SLIT3: variants seen among roughly 807,000 people sequenced by gnomAD.
SLIT3 encodes slit guidance ligand 3.
A neutral mutation model predicts 184.0 loss-of-function variants in SLIT3; 68 were observed. The observed-to-expected ratio is 0.37, with a 90% CI of 0.30 to 0.45. The LOEUF is 0.45. SLIT3 is among the 20% of genes least tolerant of loss of function. The pLI is 1.00. For missense variants in SLIT3, 1,707 were observed against 2,026.0 expected, an observed-to-expected ratio of 0.84 and a Z score of 3.02; for synonymous variants, 831 against 828.6, an observed-to-expected ratio of 1.00 and a Z score of -0.05.
intron 10 of SLIT3, chr5:168,791,083 C>T (rs1756347465): frequency 1.3e-5 from 2 of 152,244 alleles, no homozygotes; most frequent in Non-Finnish European, 2.9e-5. Flanking sequence ...GTTTAAGGGT[C>T]TTAACAAGCA....
intron 3 of SLIT3, among the ~76,000 whole-genome samples, chr5:169,223,749 T>C (rs886827237): frequency 3.9e-5 from 6 of 152,300 alleles, no homozygotes; most frequent in African/African-American, 1.4e-4. Context: ...CCTTGTCAAA[T>C]AAATCAACCA....
intron 1 of SLIT3, among the ~76,000 whole-genome samples, chr5:169,290,659 CACTAGGGCATACGCTAGGGCACAT>C (rs1307662051): frequency 6.9e-6 from 1 of 145,018 alleles, no homozygotes; most frequent in Non-Finnish European, 1.5e-5. Flanking sequence ...CTAGGGCACG[CACTAGGGCATACGCTAGGGCACAT>C]GCTGGGGCAC....
At chr5:169,146,835 T>C (rs937799848) in intron 4 of SLIT3, among the ~76,000 whole-genome samples, 7 of 152,262 alleles carry the variant, frequency 4.6e-5, no homozygotes, top group African/African-American at 1.4e-4. Flanking sequence ...CAACCCATTA[T>C]CTTTTTATGC....
chr5:169,090,022 G>A (rs1561658078), intron 4 of SLIT3, among the ~76,000 whole-genome samples: 1 of 152,188 alleles, frequency 6.6e-6, no homozygotes, highest in Admixed American at 6.5e-5. Flanking sequence ...GGTGAATTGT[G>A]TATGCAGGTG....
intron 27 of SLIT3, among the ~76,000 whole-genome samples, chr5:168,699,450 C>T (rs545723450): frequency 6.6e-5 from 10 of 152,300 alleles, no homozygotes; most frequent in Middle Eastern, 3.4e-3. Context: ...CAAAGGAGCC[C>T]GTTCCCAACA....
At chr5:169,036,253 TC>T (rs1757243146) in intron 4 of SLIT3, 1 of 152,182 alleles carries the variant, frequency 6.6e-6, no homozygotes, top group Admixed American at 6.5e-5. Context: ...CTTTCCTCCT[TC>T]GTGGGATCCA....
chr5:168,748,224 G>C (rs1754559683), intron 20 of SLIT3, 78 bp downstream of exon 20: 10 of 1,395,836 alleles, frequency 7.2e-6, no homozygotes, highest in Non-Finnish European at 8.4e-6. Context: ...TGCCTTGCTT[G>C]AGATTCTGGG....
intron 4 of SLIT3, chr5:169,013,499 C>G (rs1756240717): frequency 6.6e-6 from 1 of 152,216 alleles, no homozygotes; most frequent in Non-Finnish European, 1.5e-5. Flanking sequence ...AAACCCGATC[C>G]TTCTGCTCTC....
intron 3 of SLIT3, among the ~76,000 whole-genome samples, chr5:169,219,937 C>A (rs1764567046): frequency 6.6e-6 from 1 of 152,150 alleles, no homozygotes; most frequent in Non-Finnish European, 1.5e-5. Flanking sequence ...ATGTGTGAGA[C>A]ACAGATGCAG....
intron 3 of SLIT3, among the ~76,000 whole-genome samples, chr5:169,227,973 A>G (rs544338937): frequency 1.3e-5 from 2 of 152,284 alleles, no homozygotes; most frequent in East Asian, 3.9e-4. Context: ...TTCCAACTTT[A>G]TCTTATTTGA....
At position 168,772,570 on chromosome 5, in the gene SLIT3, TTGTGTG is replaced by T. The variant is rs538634517; in HGVS notation, c.1459+205_1459+210del. ...CCGTCTCCTCCTCCCCATGCTTTTATTGTGTGTGTGTGTGTGTGTGTGTGTTTTATT... is the reference window on the plus strand; with the variant it reads ...CCGTCTCCTCCTCCCCATGCTTTTATTGTGTGTGTGTGTGTGTGTTTTATT... On this transcript the variant is annotated intron_variant, in intron 14 of 35. Coordinates refer to ENST00000519560, the MANE Select transcript of SLIT3 (RefSeq NM_003062.4). 1.5e-4 allele frequency: 74 copies of T among 497,298 alleles called. 1 individual carries two copies. The highest frequency in any genetic ancestry group is 1.4e-3 in the African/African-American group (70 of 48,748). 30.8% of individuals were successfully genotyped at this position (497,298 alleles called of 1,614,324 possible). A position where few individuals can be genotyped will look rare whatever the true frequency, so the allele number is the denominator to read the frequency against.
chr5:169,218,219 T>G (rs941159322), intron 3 of SLIT3, among the ~76,000 whole-genome samples: 2 of 152,216 alleles, frequency 1.3e-5, no homozygotes, highest in Non-Finnish European at 2.9e-5. Flanking sequence ...CTTCAGATCT[T>G]TGCTTAATCA....
intron 5 of SLIT3, among the ~76,000 whole-genome samples, chr5:168,857,481 C>G (rs962616399): frequency 4.1e-4 from 62 of 152,124 alleles, no homozygotes; most frequent in African/African-American, 1.4e-3. Flanking sequence ...TTGACCTTGT[C>G]GGACTATGGC....
At chr5:169,091,587 A>G (rs2113203992) in intron 4 of SLIT3, among the ~76,000 whole-genome samples, 1 of 152,334 alleles carries the variant, frequency 6.6e-6, no homozygotes, top group South Asian at 2.1e-4. Context: ...TACCTTGACA[A>G]TCACTGAAGC....
chr5:168,956,191 A>G (rs1762818330), intron 4 of SLIT3, among the ~76,000 whole-genome samples: 1 of 152,224 alleles, frequency 6.6e-6, no homozygotes, highest in Non-Finnish European at 1.5e-5. Context: ...AAGGTTGTCT[A>G]TCTCCCACTT....
At chr5:168,883,181 C>A in intron 5 of SLIT3, 84 bp downstream of exon 5, 1 of 1,102,994 alleles carries the variant, frequency 9.1e-7, no homozygotes, top group Non-Finnish European at 1.4e-6. Flanking sequence ...CTGGACCACC[C>A]TCTTGTCCCA....
chr5:169,126,962 A>C (rs181416321), intron 4 of SLIT3, among the ~76,000 whole-genome samples: 1 of 152,292 alleles, frequency 6.6e-6, no homozygotes, highest in East Asian at 1.9e-4. Context: ...AATTACAATG[A>C]AAAGTCTGCA....
intron 4 of SLIT3, among the ~76,000 whole-genome samples, chr5:168,930,852 C>T (rs1272359482): frequency 2.6e-5 from 4 of 152,026 alleles, no homozygotes; most frequent in African/African-American, 7.2e-5. Context: ...TGGCCACTTT[C>T]TTGGTGCCAC....
At chr5:168,808,044 T>A (rs1444103954) in intron 8 of SLIT3, among the ~76,000 whole-genome samples, 2 of 152,078 alleles carry the variant, frequency 1.3e-5, no homozygotes, top group South Asian at 2.1e-4. Flanking sequence ...CACTTACATA[T>A]ACACAAAACA....
Sources: allele counts gnomAD v4.1 joint callset (sites outside exome capture counted in the v4.1 genomes callset), GRCh38; gene constraint gnomAD v4.1.1; transcripts MANE v1.5; gene names NCBI Gene and HGNC (gene_info 2026-07-23, HGNC 2026-07-21).